Variants in ZNF398 observed in about 807,000 individuals in gnomAD.
ZNF398 encodes zinc finger DNA binding protein ZER6.
ZNF398 carries 18 observed loss-of-function variants against 41.9 expected under a neutral mutation model. The ratio of observed to expected loss-of-function variants is 0.43; its 90% CI spans 0.30 to 0.64. The LOEUF is 0.64. Ranked by LOEUF, ZNF398 falls within the 30% of genes least tolerant of loss-of-function variation. The pLI is 0.14. For synonymous variants in ZNF398, 260 were observed against 308.8 expected, an observed-to-expected ratio of 0.84 and a Z score of 1.66; for missense variants, 669 against 822.8, an observed-to-expected ratio of 0.81 and a Z score of 2.29.
intron 2 of ZNF398, among the ~76,000 whole-genome samples, chr7:149,136,601 A>G (rs1329924163): frequency 6.6e-6 from 1 of 151,880 alleles, no homozygotes. Context: ...GGAGTCTTAC[A>G]CTGTCACCCA....
intron 2 of ZNF398, among the ~76,000 whole-genome samples, chr7:149,132,190 C>CTT (rs1826608676): frequency 8.4e-6 from 1 of 119,124 alleles, no homozygotes; most frequent in Non-Finnish European, 1.7e-5. Context: ...TATATTCTCT[C>CTT]TCTCTTTTTT....
intron 1 of ZNF398, among the ~76,000 whole-genome samples, chr7:149,127,935 C>G (rs1341264019): frequency 2.6e-5 from 4 of 152,136 alleles, no homozygotes; most frequent in Non-Finnish European, 5.9e-5. Context: ...AAGGACTGAT[C>G]TGCTCTTGAA....
intron 2 of ZNF398, among the ~76,000 whole-genome samples, chr7:149,140,747 A>G (rs759568474): frequency 6.6e-6 from 1 of 152,166 alleles, no homozygotes; most frequent in Non-Finnish European, 1.5e-5. Flanking sequence ...TTCAAAAAAA[A>G]AAAGATCCCT....
intron 2 of ZNF398, among the ~76,000 whole-genome samples, chr7:149,135,416 GAAAGA>G (rs1450755782): frequency 1.3e-4 from 18 of 140,480 alleles, no homozygotes; most frequent in Non-Finnish European, 2.7e-4. Flanking sequence ...AAAAAAGAAA[GAAAGA>G]AAAAAAGAAA....
At chr7:149,127,582 T>C (rs182069004) in intron 1 of ZNF398, among the ~76,000 whole-genome samples, 5,020 of 144,578 alleles carry the variant, frequency 0.035, 304 homozygotes, top group African/African-American at 0.12. Flanking sequence ...CCGAGCGTTG[T>C]GGCGGGCGCC....
chr7:149,177,999 T>C (rs1441542014), intron 5 of ZNF398, among the ~76,000 whole-genome samples: 1 of 151,848 alleles, frequency 6.6e-6, no homozygotes, highest in Admixed American at 6.6e-5. Flanking sequence ...ATATAAAAAT[T>C]ACCTGAGCAC....
intron 2 of ZNF398, among the ~76,000 whole-genome samples, chr7:149,130,165 G>C (rs541558110): frequency 2.6e-5 from 4 of 151,850 alleles, no homozygotes; most frequent in Non-Finnish European, 5.9e-5. Context: ...GCATGATCTC[G>C]GCTCACTGCA....
chr7:149,129,260 A>G (rs6464941), intron 2 of ZNF398, among the ~76,000 whole-genome samples: 100,536 of 152,036 alleles, frequency 0.66, 34,637 homozygotes, highest in East Asian at 0.95. Flanking sequence ...AGATTTTTAT[A>G]GTTTGTAGGG....
chr7:149,141,538 T>C (rs1826827194), intron 2 of ZNF398, among the ~76,000 whole-genome samples: 1 of 140,808 alleles, frequency 7.1e-6, no homozygotes, highest in Non-Finnish European at 1.5e-5. Flanking sequence ...CACTGCAAGC[T>C]CCGCCTCCCG....
upstream of ZNF398, among the ~76,000 whole-genome samples, chr7:149,142,588 A>C (rs1826850299): frequency 6.6e-6 from 1 of 152,252 alleles, no homozygotes; most frequent in Non-Finnish European, 1.5e-5. Context: ...AATGGCGTGA[A>C]GCCTGGAGGC....
rs1330245910 is a variant in ZNF398, at chr7:149,181,275, A to C, written c.*1474A>C. Reference sequence around the variant, plus strand: ...CAAAGCTAAATAAGACAGCAAAGTCAAAGCAGATAAATTCTTGTTGAAACT... The same window carrying C: ...CAAAGCTAAATAAGACAGCAAAGTCCAAGCAGATAAATTCTTGTTGAAACT... On this transcript the variant is annotated 3_prime_UTR_variant, in exon 6 of 6. Coordinates refer to ENST00000475153, the MANE Select transcript of ZNF398 (RefSeq NM_170686.3). The C allele has an allele frequency of 6.6e-6, 1 of 152,456 alleles. No individual in the cohort carries two copies. The highest frequency in any genetic ancestry group is 1.5e-5 in the Non-Finnish European group (1 of 68,048). The allele number at this position is 152,456 out of a possible 1,614,324, so 9.4% of individuals were successfully genotyped here. A position where few individuals can be genotyped will look rare whatever the true frequency, so the allele number is the denominator to read the frequency against.
chr7:149,150,510 A>T (rs1223116516), intron 1 of ZNF398, among the ~76,000 whole-genome samples: 1 of 151,998 alleles, frequency 6.6e-6, no homozygotes, highest in Non-Finnish European at 1.5e-5. Flanking sequence ...GAGATGGGAG[A>T]ATCGCTTGAG....
At chr7:149,142,533 G>A (rs944949758), upstream of ZNF398, among the ~76,000 whole-genome samples, 5 of 152,178 alleles carry the variant, frequency 3.3e-5, no homozygotes, top group African/African-American at 9.6e-5. Context: ...CGGGCGTGGT[G>A]GCAGGCACCT....
intron 2 of ZNF398, among the ~76,000 whole-genome samples, chr7:149,160,746 C>T (rs1475082411): frequency 6.6e-6 from 1 of 152,192 alleles, no homozygotes; most frequent in Non-Finnish European, 1.5e-5. Context: ...CTCTGAGTAA[C>T]TCTGAGTCCT....
In ZNF398 at chr7:149,182,962, CA is replaced by C. The variant is rs1276618993; in HGVS notation, c.*3163del. ...TGAGAAGTGATGTTCATGTCTATCT[CA>C]ACCAGGACCAGACCCTGTGACTTAC... On this transcript the variant is annotated 3_prime_UTR_variant, in exon 6 of 6. Coordinates refer to ENST00000475153, the MANE Select transcript of ZNF398 (RefSeq NM_170686.3). Among the ~76,000 whole-genome samples the C allele has an allele frequency of 6.7e-6, 1 of 149,012 alleles. No individual in the cohort carries two copies. Among genetic ancestry groups the C allele is most frequent in the Non-Finnish European group, 1.5e-5 (1 of 67,634 alleles).
At chr7:149,164,290 C>T (rs771727947) in intron 2 of ZNF398, among the ~76,000 whole-genome samples, 1 of 151,538 alleles carries the variant, frequency 6.6e-6, no homozygotes, top group Non-Finnish European at 1.5e-5. Context: ...GCCTGTAGTC[C>T]CAGCTACTTG....
At chr7:149,170,941 T>C (rs2129521431) in intron 4 of ZNF398, among the ~76,000 whole-genome samples, 1 of 151,374 alleles carries the variant, frequency 6.6e-6, no homozygotes, top group Admixed American at 6.6e-5. Context: ...CCTCCTGGGT[T>C]CAAGTGATTC....
Position 149,154,164 on chromosome 7 carries a change from G to C in ZNF398, c.244G>C (p.Glu82Gln). 1 of 1,614,160 alleles carries C rather than the reference G, an allele frequency of 6.2e-7. No homozygotes were observed. Among genetic ancestry groups the C allele is most frequent in the Non-Finnish European group, 8.5e-7 (1 of 1,180,038 alleles). Residue 82 changes from glutamate to glutamine, a missense_variant, in exon 2 of 6, where the codon GAA becomes CAA. Physicochemically the swap from Glu to Gln is conservative, Grantham distance 29. Transcript: ENST00000475153. ...AGCAGAGAAGAAACTAGCCAGCTGT[G>C]AAAAGACAGTTACCGAGCTTGGGAA... is the stretch of plus-strand genomic sequence containing the variant. Reference protein sequence around the residue: ...GTAEKKLASCEKTVTELGNQL... With the variant: ...GTAEKKLASCQKTVTELGNQL...
rs550234157 is a variant in ZNF398 at position 149,141,325 on chromosome 7, C to T, written c.-490+12381C>T. On this transcript the variant is annotated intron_variant, in intron 2 of 6. Coordinates refer to the ZNF398 transcript ENST00000426851. ...TTTTTTTTTTTTTGAGACAGAGTTT[C>T]GCTCTTGTGGCCCAGGCTGGAATGC... 2.5e-4 allele frequency among the ~76,000 whole-genome samples: 37 copies of T among 149,016 alleles called. No homozygotes were observed. The East Asian group carries it at 6.3e-3, about 25-fold the overall frequency.
Sources: gnomAD v4.1 joint callset for allele counts (sites outside exome capture counted in the v4.1 genomes callset) on GRCh38, gnomAD v4.1.1 for gene constraint, MANE v1.5 for transcripts, NCBI Gene and HGNC (gene_info 2026-07-23, HGNC 2026-07-21) for gene names.